The following PPIP5K2 variants were observed in gnomAD, a reference collection of about 807,000 sequenced individuals.
The protein encoded by PPIP5K2 is inositol hexakisphosphate and diphosphoinositol-pentakisphosphate kinase 2.
Under a neutral mutation model 154.6 loss-of-function variants are expected in PPIP5K2, and 105 were observed. That is an observed-to-expected ratio of 0.68 (90% confidence interval 0.58 to 0.80). The LOEUF (loss-of-function observed/expected upper bound fraction) is 0.80. Among genes scored for constraint, PPIP5K2 ranks in the 30% least tolerant of loss-of-function variants. PPIP5K2 has a pLI of 0.00. For missense variants in PPIP5K2, 992 were observed against 1,504.6 expected (o/e 0.66, Z 5.64); for synonymous variants, 480 against 490.3 (o/e 0.98, Z 0.28).
chr5:103,174,435 G>T (rs1232657836), intron 21 of PPIP5K2, among the ~76,000 whole-genome samples: 1 of 151,984 alleles, frequency 6.6e-6, no homozygotes, highest in African/African-American at 2.4e-5. Flanking sequence ...GATCAATTAT[G>T]AAGTTTCTCT....
At chr5:103,128,187 T>C (rs1263741069) in intron 1 of PPIP5K2, among the ~76,000 whole-genome samples, 1 of 152,144 alleles carries the variant, frequency 6.6e-6, no homozygotes, top group Admixed American at 6.5e-5. Flanking sequence ...TTTGGAGTTA[T>C]GCTTTTAATT....
intron 14 of PPIP5K2, among the ~76,000 whole-genome samples, chr5:103,156,671 A>G (rs1795464954): frequency 6.6e-6 from 1 of 152,212 alleles, no homozygotes; most frequent in African/African-American, 2.4e-5. Flanking sequence ...TCATTGAGAC[A>G]GGATTTCAGT....
intron 17 of PPIP5K2, among the ~76,000 whole-genome samples, chr5:103,165,472 C>A (rs79133601): frequency 0.023 from 3,534 of 152,102 alleles, 152 homozygotes; most frequent in African/African-American, 0.081. Flanking sequence ...CTAAAATAAT[C>A]TTGTATTATC....
At chr5:103,121,915 G>T (rs1411442692) in intron 1 of PPIP5K2, among the ~76,000 whole-genome samples, 1 of 152,174 alleles carries the variant, frequency 6.6e-6, no homozygotes, top group East Asian at 1.9e-4. Context: ...TTCTTTAAAA[G>T]CTCCCATGCA....
chr5:103,144,365 C>T (rs782620451), intron 5 of PPIP5K2, among the ~76,000 whole-genome samples: 1 of 152,004 alleles, frequency 6.6e-6, no homozygotes, highest in Non-Finnish European at 1.5e-5. Context: ...TACCCAAAGC[C>T]ATCTACAGAT....
chr5:103,146,019 A>G (rs781815933), intron 5 of PPIP5K2, among the ~76,000 whole-genome samples: 2 of 152,102 alleles, frequency 1.3e-5, no homozygotes, highest in African/African-American at 2.4e-5. Flanking sequence ...CTATGTACCC[A>G]TGATGATTAA....
chr5:103,195,750 CAT>C (rs1801993784), intron 30 of PPIP5K2, among the ~76,000 whole-genome samples: 1 of 152,044 alleles, frequency 6.6e-6, no homozygotes, highest in South Asian at 2.1e-4. Flanking sequence ...TTTTTCTTAC[CAT>C]ATATCTTTTT....
At chr5:103,179,709 A>G (rs782746919) in intron 23 of PPIP5K2, among the ~76,000 whole-genome samples, 23 of 152,050 alleles carry the variant, frequency 1.5e-4, no homozygotes, top group Non-Finnish European at 3.2e-4. Context: ...ATTTATTATT[A>G]TTGTTTATTT....
At chr5:103,137,062 G>A (rs1016868755) in intron 4 of PPIP5K2, among the ~76,000 whole-genome samples, 8 of 152,088 alleles carry the variant, frequency 5.3e-5, no homozygotes, top group African/African-American at 1.7e-4. Flanking sequence ...ACTTAACCGA[G>A]ATTGTTTAAT....
chr5:103,206,015 G>A lies in PPIP5K2; in HGVS notation c.*4381G>A, dbSNP rs1803496613. 6.6e-6 allele frequency: 1 copy of A among 152,108 alleles called. No individual in the cohort carries two copies. Among genetic ancestry groups the A allele is most frequent in the Non-Finnish European group, 1.5e-5 (1 of 68,030 alleles). The allele number at this position is 152,108 out of a possible 1,614,324, so 9.4% of individuals were successfully genotyped here. A position where few individuals can be genotyped will look rare whatever the true frequency, so the allele number is the denominator to read the frequency against. On this transcript the variant is annotated 3_prime_UTR_variant, in exon 31 of 31. Coordinates refer to ENST00000358359, the MANE Select transcript of PPIP5K2 (RefSeq NM_001276277.3). ...ATTAGTGTAGTCTGTTTTATGTAAT[G>A]TATCTTTGCTTTTAGATTGTGCTTG...
At chr5:103,164,808 G>T (rs1195215305) in intron 17 of PPIP5K2, among the ~76,000 whole-genome samples, 2 of 152,002 alleles carry the variant, frequency 1.3e-5, no homozygotes, top group African/African-American at 2.4e-5. Flanking sequence ...TACTTAATGT[G>T]GTTAAATAAC....
At chr5:103,168,330 T>C in intron 19 of PPIP5K2, 35 bp downstream of exon 19, 2 of 1,474,648 alleles carry the variant, frequency 1.4e-6, no homozygotes, top group Non-Finnish European at 9.3e-7. Flanking sequence ...TCTTATAATA[T>C]TGAAAAAATA....
intron 28 of PPIP5K2, among the ~76,000 whole-genome samples, chr5:103,188,034 G>A (rs1800676466): frequency 6.6e-6 from 1 of 152,226 alleles, no homozygotes; most frequent in East Asian, 1.9e-4. Context: ...TTAAAATTTA[G>A]AGGACTCCTG....
chr5:103,137,202 GC>G (rs1791658666), intron 4 of PPIP5K2, among the ~76,000 whole-genome samples: 1 of 143,932 alleles, frequency 6.9e-6, no homozygotes. Flanking sequence ...TGGCTCTGTC[GC>G]CCAGTCTGGA....
chr5:103,165,799 T>A (rs1457122303), intron 17 of PPIP5K2, among the ~76,000 whole-genome samples: 1 of 152,134 alleles, frequency 6.6e-6, no homozygotes, highest in Non-Finnish European at 1.5e-5. Flanking sequence ...AAAAAATTAA[T>A]CTTGTTCATG....
At chr5:103,176,167 AT>A (rs1336075235) in intron 21 of PPIP5K2, among the ~76,000 whole-genome samples, 1 of 152,024 alleles carries the variant, frequency 6.6e-6, no homozygotes, top group Non-Finnish European at 1.5e-5. Flanking sequence ...CTTCTTACAT[AT>A]TAATTACGTT....
intron 2 of PPIP5K2, among the ~76,000 whole-genome samples, chr5:103,131,398 G>T (rs1790582287): frequency 6.6e-6 from 1 of 152,026 alleles, no homozygotes; most frequent in African/African-American, 2.4e-5. Context: ...ATAATAATAA[G>T]AAATATAGTC....
chr5:103,184,569 C>A, intron 25 of PPIP5K2, 103 bp from the exon 26 acceptor site: 1 of 784,004 alleles, frequency 1.3e-6, no homozygotes, highest in Non-Finnish European at 2.1e-6. Context: ...ATTTATCATA[C>A]AGCTTATTAA....
chr5:103,201,585 G>A lies in PPIP5K2; in HGVS notation c.3683G>A (p.Ser1228Asn). 1 of 1,610,016 alleles carries A rather than the reference G, an allele frequency of 6.2e-7. No homozygotes were observed. Reference protein sequence around the residue: ...NTSSRKKNITSKTETHEHKKN... With the variant: ...NTSSRKKNITNKTETHEHKKN... ...TCATCTCGGAAAAAGAATATAACTA[G>A]CAAAACAGAAACGCATGAACACAAA... The change falls in exon 31 of 31, where the codon AGC (serine) becomes AAC (asparagine). Residue 1228 changes from serine to asparagine, a missense_variant. Physicochemically the swap from Ser to Asn is conservative, Grantham distance 46 (BLOSUM62 1). Coordinates refer to ENST00000358359, the MANE Select transcript of PPIP5K2 (RefSeq NM_001276277.3).
Sources: gnomAD v4.1 joint callset for allele counts (sites outside exome capture counted in the v4.1 genomes callset) on GRCh38, gnomAD v4.1.1 for gene constraint, MANE v1.5 for transcripts, NCBI Gene and HGNC (gene_info 2026-07-23, HGNC 2026-07-21) for gene names.